The following AMZ2 variants were observed in gnomAD, a reference collection of about 807,000 sequenced individuals.
AMZ2 encodes archaemetzincin-2.
AMZ2 carries 26 observed loss-of-function variants against 36.7 expected under a neutral mutation model. That is an observed-to-expected ratio of 0.71 (90% CI 0.52 to 0.98). The LOEUF (loss-of-function observed/expected upper bound fraction) is 0.98. Ranked by LOEUF, AMZ2 falls within the 50% of genes least tolerant of loss-of-function variation. The pLI is 0.00. For synonymous variants in AMZ2, 144 were observed against 149.1 expected, an observed-to-expected ratio of 0.97 and a Z score of 0.25; for missense variants, 394 against 430.5, an observed-to-expected ratio of 0.92 and a Z score of 0.75.
upstream of AMZ2, chr17:68,247,517 C>A: frequency 1.6e-6 from 1 of 619,270 alleles, no homozygotes; most frequent in Non-Finnish European, 2.0e-6. Context: ...GCCAGGGACG[C>A]CACGAGGACG....
intron 1 of AMZ2, among the ~76,000 whole-genome samples, chr17:68,216,801 C>A (rs146692669): frequency 6.6e-6 from 1 of 152,100 alleles, no homozygotes; most frequent in Non-Finnish European, 1.5e-5. Context: ...GAGGCTGAGG[C>A]GGGCAGATCA....
At position 68,254,411 on chromosome 17, in the gene AMZ2, G is replaced by T. The variant is rs77962247; in HGVS notation, c.594G>T (p.Gly198=). ...TTTGTCCTTTTTTTGTAGGTGTGGG[G>T]ATATTCAGCTTTGCCAGGTATGGCA... ...FGQASLTDGV[G]IFSFARYGSD... Residue 198 remains glycine (G), a synonymous_variant, in exon 5 of 7, where the codon GGG becomes GGT. Coordinates refer to ENST00000359904, the MANE Select transcript of AMZ2 (RefSeq NM_016627.5). 40,956 of 1,611,720 alleles carry T rather than the reference G, an allele frequency of 0.025. 673 individuals are homozygous for T. The highest frequency in any genetic ancestry group is 0.036 in the South Asian group (3,270 of 90,698).
intron 1 of AMZ2, among the ~76,000 whole-genome samples, chr17:68,217,010 G>A (rs1458636772): frequency 6.6e-6 from 1 of 150,616 alleles, no homozygotes; most frequent in Non-Finnish European, 1.5e-5. Flanking sequence ...TCCAGCCTGG[G>A]CGACAGAGCG....
intron 1 of AMZ2, among the ~76,000 whole-genome samples, chr17:68,207,989 C>T (rs1169017405): frequency 6.6e-6 from 1 of 152,134 alleles, no homozygotes; most frequent in Non-Finnish European, 1.5e-5. Flanking sequence ...CAGTGAGAGG[C>T]TTAGCACCTG....
chr17:68,209,832 G>C (rs1004865159), intron 1 of AMZ2, among the ~76,000 whole-genome samples: 3 of 151,330 alleles, frequency 2.0e-5, no homozygotes, highest in Non-Finnish European at 4.4e-5. Flanking sequence ...TGTTGGCCAG[G>C]CTGGTCTTGA....
intron 1 of AMZ2, among the ~76,000 whole-genome samples, chr17:68,225,952 G>C (rs2073505127): frequency 6.6e-6 from 1 of 152,080 alleles, no homozygotes; most frequent in African/African-American, 2.4e-5. Flanking sequence ...ATGTAATTAA[G>C]GCAAGATTAA....
At position 68,232,096 on chromosome 17, in the gene AMZ2, A is replaced by C. The variant is rs74586142; in HGVS notation, c.-66-16544A>C. On this transcript the variant is annotated intron_variant, in intron 1 of 7. Coordinates refer to the AMZ2 transcript ENST00000674770. ...AGAGATCAGAATGTGTTCTTTAGCA[A>C]GACTTGATTACAACTGAAGTTTGTA... Among the ~76,000 whole-genome samples, 1,173 of 149,540 alleles carry C rather than the reference A, an allele frequency of 7.8e-3. 12 individuals are homozygous for C. Among genetic ancestry groups the C allele is most frequent in the African/African-American group, 0.028 (1,118 of 40,554 alleles).
At chr17:68,222,494 A>G (rs143454567) in intron 1 of AMZ2, among the ~76,000 whole-genome samples, 1 of 152,290 alleles carries the variant, frequency 6.6e-6, no homozygotes, top group East Asian at 1.9e-4. Flanking sequence ...AAAGCATATT[A>G]CATTTATTTC....
At chr17:68,208,838 A>C (rs2072927070) in intron 1 of AMZ2, among the ~76,000 whole-genome samples, 1 of 151,920 alleles carries the variant, frequency 6.6e-6, no homozygotes, top group South Asian at 2.1e-4. Flanking sequence ...TGGAAGGTCA[A>C]GGTCTGCAGC....
chr17:68,232,611 A>T (rs2073692397), intron 1 of AMZ2, among the ~76,000 whole-genome samples: 1 of 152,058 alleles, frequency 6.6e-6, no homozygotes, highest in African/African-American at 2.4e-5. Flanking sequence ...TGGGAGGACA[A>T]GTGGGTGGTT....
Position 68,256,153 on chromosome 17 carries a change from G to A in AMZ2, c.927+277G>A, listed in dbSNP as rs1773270078. Among the ~76,000 whole-genome samples the A allele has an allele frequency of 2.0e-5, 3 of 152,206 alleles. No individual in the cohort carries two copies. In the South Asian group the frequency reaches 6.2e-4, roughly 31 times the overall value. On this transcript the variant is annotated intron_variant, in intron 6 of 6. Transcript: ENST00000359904. ...CAAGAGAGCTTGACTTTGCAGAACA[G>A]AATAAATATTGATATGTGTGGCAGA...
chr17:68,252,928 C>A (rs1217831838), intron 4 of AMZ2, among the ~76,000 whole-genome samples: 4 of 152,180 alleles, frequency 2.6e-5, no homozygotes, highest in African/African-American at 9.7e-5. Flanking sequence ...ACTGTATTTA[C>A]TTTAATTCTT....
intron 1 of AMZ2, among the ~76,000 whole-genome samples, chr17:68,214,781 T>G (rs16972821): frequency 0.071 from 10,113 of 143,356 alleles, 710 homozygotes; most frequent in African/African-American, 0.18. Flanking sequence ...TGAGTTAGTC[T>G]TTAACAATTT....
At chr17:68,218,302 A>G (rs2144525331) in intron 1 of AMZ2, among the ~76,000 whole-genome samples, 1 of 152,226 alleles carries the variant, frequency 6.6e-6, no homozygotes, top group Admixed American at 6.5e-5. Context: ...TAAGATTAGC[A>G]TGTTTTTCTG....
At chr17:68,254,083 A>T (rs1475140617) in intron 4 of AMZ2, among the ~76,000 whole-genome samples, 1 of 152,196 alleles carries the variant, frequency 6.6e-6, no homozygotes. Flanking sequence ...TGAGTACTTG[A>T]TTTGGAGTAC....
upstream of AMZ2, chr17:68,248,019 G>T: frequency 1.0e-6 from 1 of 986,624 alleles, no homozygotes; most frequent in Middle Eastern, 5.2e-4. Context: ...AAGGGGCGTG[G>T]CGCCAGTGGG....
At chr17:68,237,569 T>A (rs1401265805) in intron 1 of AMZ2, among the ~76,000 whole-genome samples, 3 of 152,096 alleles carry the variant, frequency 2.0e-5, no homozygotes, top group Non-Finnish European at 4.4e-5. Context: ...AACCCACAGG[T>A]GTTCAGTGGG....
intron 1 of AMZ2, among the ~76,000 whole-genome samples, chr17:68,219,696 A>T (rs8074719): frequency 0.52 from 72,513 of 139,748 alleles, 18,656 homozygotes; most frequent in African/African-American, 0.68. Flanking sequence ...CACATCTGGC[A>T]AATTTTTTTT....
At chr17:68,242,250 C>T (rs1197432026) in intron 1 of AMZ2, among the ~76,000 whole-genome samples, 1 of 151,990 alleles carries the variant, frequency 6.6e-6, no homozygotes, top group Admixed American at 6.6e-5. Context: ...TGTTATGCCT[C>T]AGGGTCATTT....
Sources: gnomAD v4.1 joint callset for allele counts (sites outside exome capture counted in the v4.1 genomes callset) on GRCh38, gnomAD v4.1.1 for gene constraint, MANE v1.5 for transcripts, NCBI Gene and HGNC (gene_info 2026-07-23, HGNC 2026-07-21) for gene names.